Variants in PARP16 observed in about 807,000 individuals in gnomAD.
PARP16 encodes the protein poly(ADP-ribose) polymerase family member 16.
In PARP16, 31 loss-of-function variants were observed where a neutral mutation model predicts 35.0. The ratio of observed to expected loss-of-function variants is 0.88; its 90% CI spans 0.66 to 1.19. The LOEUF is 1.19. Ranked by LOEUF, PARP16 falls within the 50% of genes most tolerant of loss-of-function variation. The pLI, the probability that PARP16 is intolerant of heterozygous loss-of-function variation, is 0.00. For missense variants in PARP16, 424 were observed against 411.2 expected (o/e 1.03, Z -0.27); for synonymous variants, 162 against 169.5 (o/e 0.96, Z 0.34).
chr15:65,274,208 T>C (rs2090179456), intron 1 of PARP16, among the ~76,000 whole-genome samples: 1 of 150,518 alleles, frequency 6.6e-6, no homozygotes, highest in East Asian at 2.0e-4. Flanking sequence ...CCTCCCAAAG[T>C]GCTGTGATTA....
chr15:65,245,908 C>T lies in PARP16; in HGVS notation c.*97+2209G>A, dbSNP rs185187312. On this transcript the variant is annotated intron_variant and NMD_transcript_variant, in intron 3 of 3. Transcript: ENST00000559805. Reference sequence around the variant, plus strand: ...TTCAATTTTTTTCAAGAGGAAAATTCCTAGTTCTGGCCCCAAGCAGAGCAG... The same window carrying T: ...TTCAATTTTTTTCAAGAGGAAAATTTCTAGTTCTGGCCCCAAGCAGAGCAG... 5.0e-3 allele frequency among the ~76,000 whole-genome samples: 756 copies of T among 152,230 alleles called. 5 individuals are homozygous for T. The highest frequency in any genetic ancestry group is 0.017 in the Middle Eastern group (5 of 294).
chr15:65,236,786 C>A (rs2088889325), intron 3 of PARP16, among the ~76,000 whole-genome samples: 1 of 152,060 alleles, frequency 6.6e-6, no homozygotes, highest in South Asian at 2.1e-4. Context: ...TCCTGGCCAA[C>A]ATGGTGAAAC....
chr15:65,278,651 A>G (rs2090329018), intron 1 of PARP16, among the ~76,000 whole-genome samples: 1 of 152,238 alleles, frequency 6.6e-6, no homozygotes, highest in Admixed American at 6.5e-5. Context: ...GAGGTGGCCC[A>G]GGAATCTGTG....
chr15:65,244,457 G>GT lies in PARP16; in HGVS notation c.*97+3659dup, dbSNP rs1238392885. Among the ~76,000 whole-genome samples the GT allele has an allele frequency of 3.9e-5, 6 of 152,298 alleles. No homozygotes were observed. The East Asian group carries it at 1.2e-3, about 29-fold the overall frequency. On this transcript the variant is annotated intron_variant and NMD_transcript_variant, in intron 3 of 3. Coordinates refer to the PARP16 transcript ENST00000559805. ...ATCTTACATGGCAGCAGGCAAGAGA[G>GT]TGTGTGCAAGAGAACTCCCCTTTAT...
Position 65,259,203 on chromosome 15 carries a change from G to A in PARP16, c.*204C>T, listed in dbSNP as rs1391309091. The A allele has an allele frequency of 1.6e-6, 1 of 613,602 alleles. No homozygotes were observed. The highest frequency in any genetic ancestry group is 2.5e-5 in the Admixed American group (1 of 40,662). The allele number at this position is 613,602 out of a possible 1,614,324, so 38.0% of individuals were successfully genotyped here. ...AAGGACTCCCCTAAAACCTAAGAGT[G>A]AGGGACTAGTAGTCCCCGTTGACTG... On this transcript the variant is annotated 3_prime_UTR_variant, in exon 6 of 6. Transcript: ENST00000649807.
intron 3 of PARP16, among the ~76,000 whole-genome samples, chr15:65,240,310 G>GTGTGT (rs61177378): frequency 7.6e-5 from 9 of 118,288 alleles, no homozygotes; most frequent in Non-Finnish European, 1.0e-4. Flanking sequence ...GTGTGTGTGT[G>GTGTGT]GTGGGGGGGG....
At chr15:65,271,888 T>G (rs1261944259) in intron 1 of PARP16, among the ~76,000 whole-genome samples, 1 of 152,314 alleles carries the variant, frequency 6.6e-6, no homozygotes, top group Non-Finnish European at 1.5e-5. Context: ...CAACACTGCT[T>G]AAGGTAAAAA....
Position 65,286,812 on chromosome 15 carries a change from CAGCCCCCGGGGGACGGCGGGCAG to C in PARP16, c.-409_-387del. 1 of 189,660 alleles carries C rather than the reference CAGCCCCCGGGGGACGGCGGGCAG, an allele frequency of 5.3e-6. No individual in the cohort carries two copies. Among genetic ancestry groups the C allele is most frequent in the East Asian group, 1.2e-4 (1 of 8,516 alleles). 11.7% of individuals were successfully genotyped at this position (189,660 alleles called of 1,614,324 possible). A position where few individuals can be genotyped will look rare whatever the true frequency, so the allele number is the denominator to read the frequency against. ...CTCCGCGGAGGCCTGGGGCGGGAAG[CAGCCCCCGGGGGACGGCGGGCAG>C]AGCCCACTCTCCGCGACGGGCGAGG... On this transcript the variant is annotated 5_prime_UTR_variant, in exon 1 of 6. Coordinates refer to ENST00000649807, the MANE Select transcript of PARP16 (RefSeq NM_001316943.2).
At chr15:65,254,845 C>G (rs535221439), downstream of PARP16, among the ~76,000 whole-genome samples, 2 of 152,278 alleles carry the variant, frequency 1.3e-5, no homozygotes, top group African/African-American at 4.8e-5. Flanking sequence ...ATGAATTAAA[C>G]AGAAATGACA....
intron 1 of PARP16, among the ~76,000 whole-genome samples, chr15:65,285,305 CT>C (rs2140995772): frequency 1.3e-5 from 2 of 152,082 alleles, no homozygotes; most frequent in South Asian, 4.2e-4. Flanking sequence ...GCCCGGCTAA[CT>C]TTTTGTATTT....
intron 1 of PARP16, among the ~76,000 whole-genome samples, chr15:65,284,811 CTT>C (rs35683940): frequency 4.0e-3 from 290 of 72,220 alleles, no homozygotes; most frequent in East Asian, 9.7e-3. Flanking sequence ...AATCCAACGT[CTT>C]TTTTTTTTTT....
In PARP16 at chr15:65,282,860, T is replaced by C. The variant is rs540601908; in HGVS notation, c.174+3393A>G. On this transcript the variant is annotated intron_variant, in intron 1 of 5. Transcript: ENST00000649807. ...GGAGGATGGGCCCCAAACAGAGCAATTGATACCTTTGCAGAGGGGTGAGGG... is the reference window on the plus strand; with the variant it reads ...GGAGGATGGGCCCCAAACAGAGCAACTGATACCTTTGCAGAGGGGTGAGGG... 5.3e-5 allele frequency among the ~76,000 whole-genome samples: 8 copies of C among 152,284 alleles called. No homozygotes were observed. In the East Asian group the frequency reaches 5.8e-4, roughly 11 times the overall value.
At chr15:65,250,111 T>G (rs2089318876) in intron 2 of PARP16, among the ~76,000 whole-genome samples, 1 of 60,224 alleles carries the variant, frequency 1.7e-5, no homozygotes, top group Non-Finnish European at 3.8e-5. Context: ...GCTTGCCTTT[T>G]TTTTTTTTTT....
At chr15:65,234,302 C>T (rs1342375785), downstream of PARP16, among the ~76,000 whole-genome samples, 1 of 152,144 alleles carries the variant, frequency 6.6e-6, no homozygotes, top group Non-Finnish European at 1.5e-5. Flanking sequence ...TTTTGACAGC[C>T]TCTCCATGTT....
downstream of PARP16, among the ~76,000 whole-genome samples, chr15:65,255,574 C>T (rs1036364648): frequency 2.0e-5 from 3 of 151,718 alleles, no homozygotes; most frequent in Non-Finnish European, 2.9e-5. Flanking sequence ...CATATCAAAA[C>T]GTACCTGCTA....
intron 3 of PARP16, 152 bp downstream of exon 3, chr15:65,266,410 T>G: frequency 9.3e-6 from 6 of 643,384 alleles, no homozygotes; most frequent in Non-Finnish European, 1.4e-5. Flanking sequence ...ATGCTGCCAC[T>G]GCTGGTGTGC....
At chr15:65,256,609 G>A (rs550760706), downstream of PARP16, among the ~76,000 whole-genome samples, 1 of 151,914 alleles carries the variant, frequency 6.6e-6, no homozygotes, top group East Asian at 1.9e-4. Flanking sequence ...GGGTTTCACC[G>A]TGTTAGCCAG....
At chr15:65,259,988 G>A (rs939624904) in intron 5 of PARP16, among the ~76,000 whole-genome samples, 15 of 152,156 alleles carry the variant, frequency 9.9e-5, no homozygotes, top group African/African-American at 3.6e-4. Context: ...AACCACCCAA[G>A]TGTGCACTAA....
chr15:65,259,459 C>A lies in PARP16; in HGVS notation c.917G>T (p.Ser306Ile), dbSNP rs761862112. The change falls in exon 6 of 6, where the codon AGT (serine) becomes ATT (isoleucine). Residue 306 changes from serine to isoleucine, a missense_variant. Transcript: ENST00000649807. ...SLYLLLLLIV[S>I]VINSSAFQHF... ...TTGGAAAGCAGAGGAGTTGATGACA[C>A]TCACTATGAGCAGCAGCAGCAGATA... 1.2e-6 allele frequency: 2 copies of A among 1,613,926 alleles called. No homozygotes were observed. Among genetic ancestry groups the A allele is most frequent in the Non-Finnish European group, 1.7e-6 (2 of 1,179,886 alleles).
Sources: gnomAD v4.1 joint callset for allele counts (sites outside exome capture counted in the v4.1 genomes callset) on GRCh38, gnomAD v4.1.1 for gene constraint, MANE v1.5 for transcripts, NCBI Gene and HGNC (gene_info 2026-07-23, HGNC 2026-07-21) for gene names.